The following SRL variants were observed in gnomAD, a reference collection of about 807,000 sequenced individuals.
SRL encodes sarcalumenin.
In SRL, 23 loss-of-function variants were observed where a neutral mutation model predicts 39.5. The observed-to-expected ratio is 0.58, with a 90% confidence interval of 0.42 to 0.82. The LOEUF is 0.82. SRL is among the 40% of genes least tolerant of loss of function. The pLI is 0.00. For missense variants in SRL, 592 were observed against 607.8 expected (o/e 0.97, Z 0.27); for synonymous variants, 272 against 237.4 (o/e 1.15, Z -1.34).
chr16:4,220,892 A>T (rs1430795806), intron 1 of SRL, among the ~76,000 whole-genome samples: 1 of 151,970 alleles, frequency 6.6e-6, no homozygotes, highest in Non-Finnish European at 1.5e-5. Context: ...AGACTGAGGC[A>T]GGTGGATCGC....
intron 1 of SRL, among the ~76,000 whole-genome samples, chr16:4,241,259 G>A (rs1201453471): frequency 6.6e-6 from 1 of 152,082 alleles, no homozygotes; most frequent in Non-Finnish European, 1.5e-5. Flanking sequence ...AAAACAATCT[G>A]GCATCTCCTC....
intron 1 of SRL, among the ~76,000 whole-genome samples, chr16:4,216,347 C>G (rs1164990455): frequency 6.6e-6 from 1 of 152,124 alleles, no homozygotes; most frequent in Non-Finnish European, 1.5e-5. Flanking sequence ...TCTCAGCTCA[C>G]TGCAACCTCT....
intron 4 of SRL, among the ~76,000 whole-genome samples, chr16:4,196,400 C>T (rs2052142890): frequency 1.3e-5 from 2 of 151,892 alleles, no homozygotes; most frequent in African/African-American, 4.8e-5. Flanking sequence ...ATTAAACAGT[C>T]ATTCCCCATT....
chr16:4,205,718 G>A (rs1000610249), intron 1 of SRL, among the ~76,000 whole-genome samples: 10 of 152,122 alleles, frequency 6.6e-5, no homozygotes, highest in South Asian at 6.2e-4. Context: ...AGGGCTGACC[G>A]GGCAGGACCT....
intron 3 of SRL, among the ~76,000 whole-genome samples, chr16:4,202,430 A>G (rs986756894): frequency 5.3e-5 from 8 of 152,054 alleles, no homozygotes; most frequent in African/African-American, 1.9e-4. Flanking sequence ...CATCTCTACT[A>G]AAAATACAAA....
At position 4,192,034 on chromosome 16, in the gene SRL, A is replaced by G; in HGVS notation, c.*119T>C. ...GACCCCTGGCCTCAATGAACTCCCA[A>G]CTCTCCACTGTGTAATAATTCCTGC... On this transcript the variant is annotated 3_prime_UTR_variant, in exon 6 of 6. Coordinates refer to ENST00000399609, the MANE Select transcript of SRL (RefSeq NM_001098814.2). This position sits in a 1 kb window ranked among gnomAD's most constrained non-coding sequence, Gnocchi z 4.0. The G allele has an allele frequency of 3.4e-6, 4 of 1,179,170 alleles. No individual in the cohort carries two copies. Among genetic ancestry groups the G allele is most frequent in the Non-Finnish European group, 4.8e-6 (4 of 832,306 alleles). The allele number at this position is 1,179,170 out of a possible 1,614,324, so 73.0% of individuals were successfully genotyped here.
At chr16:4,198,407 A>G (rs895732071) in intron 3 of SRL, among the ~76,000 whole-genome samples, 2 of 152,018 alleles carry the variant, frequency 1.3e-5, no homozygotes, top group African/African-American at 4.8e-5. Flanking sequence ...CAAATTCCCA[A>G]TACAGCCTAA....
At chr16:4,213,856 G>A (rs2052424014) in intron 1 of SRL, among the ~76,000 whole-genome samples, 1 of 152,164 alleles carries the variant, frequency 6.6e-6, no homozygotes, top group Admixed American at 6.6e-5. Context: ...AAAAGCAAGG[G>A]TTGTTAACCT....
intron 1 of SRL, among the ~76,000 whole-genome samples, chr16:4,224,708 A>G (rs569896949): frequency 3.3e-5 from 5 of 152,114 alleles, no homozygotes; most frequent in African/African-American, 9.6e-5. Flanking sequence ...CAACAGAGCA[A>G]GACCCTATCT....
chr16:4,200,811 G>A (rs1386454811), intron 3 of SRL, among the ~76,000 whole-genome samples: 1 of 152,088 alleles, frequency 6.6e-6, no homozygotes, highest in Non-Finnish European at 1.5e-5. Flanking sequence ...CACGTCTCTG[G>A]GCCTCAGGCT....
chr16:4,218,253 A>G (rs2052483425), intron 1 of SRL, among the ~76,000 whole-genome samples: 1 of 151,976 alleles, frequency 6.6e-6, no homozygotes, highest in Non-Finnish European at 1.5e-5. Context: ...GCAAACGCGC[A>G]CTCAGGAAGT....
intron 1 of SRL, among the ~76,000 whole-genome samples, chr16:4,220,864 T>C (rs2052521257): frequency 6.6e-6 from 1 of 150,848 alleles, no homozygotes; most frequent in Non-Finnish European, 1.5e-5. Flanking sequence ...TATGCTCCTA[T>C]AGTCCCAGCT....
At chr16:4,210,914 A>G (rs1056037557) in intron 1 of SRL, among the ~76,000 whole-genome samples, 5 of 152,152 alleles carry the variant, frequency 3.3e-5, no homozygotes, top group Non-Finnish European at 5.9e-5. Flanking sequence ...AGCCTGTTAG[A>G]GACGCAGACT....
At chr16:4,219,812 A>G (rs1324655911) in intron 1 of SRL, among the ~76,000 whole-genome samples, 1 of 152,062 alleles carries the variant, frequency 6.6e-6, no homozygotes, top group East Asian at 1.9e-4. Context: ...CCCTGCATTC[A>G]GCATTAAGTC....
chr16:4,203,408 G>A, intron 2 of SRL, 147 bp from the exon 3 acceptor site: 1 of 630,984 alleles, frequency 1.6e-6, no homozygotes, highest in African/African-American at 1.8e-5. Context: ...ACTGTGCAAT[G>A]TATTTGCATA....
chr16:4,213,259 C>T (rs1001456271), intron 1 of SRL, among the ~76,000 whole-genome samples: 3 of 152,084 alleles, frequency 2.0e-5, no homozygotes, highest in African/African-American at 7.2e-5. Flanking sequence ...AGAAAGACTG[C>T]AGGGAGATTG....
intron 1 of SRL, among the ~76,000 whole-genome samples, chr16:4,209,874 G>A (rs569491367): frequency 3.9e-5 from 6 of 152,240 alleles, no homozygotes; most frequent in African/African-American, 1.4e-4. Flanking sequence ...GTAGTTAATG[G>A]GTGACCGGAA....
intron 2 of SRL, 118 bp downstream of exon 2, chr16:4,204,415 C>T (rs941712832): frequency 3.3e-6 from 3 of 910,936 alleles, no homozygotes; most frequent in Non-Finnish European, 3.5e-6. Context: ...ATAGATACAG[C>T]CCCGGCCTCC....
At chr16:4,206,077 G>T (rs2052314877) in intron 1 of SRL, among the ~76,000 whole-genome samples, 1 of 152,194 alleles carries the variant, frequency 6.6e-6, no homozygotes, top group African/African-American at 2.4e-5. Flanking sequence ...CTAAGCAGAT[G>T]CAGCCATGAA....
Sources: gnomAD v4.1 joint callset for allele counts (sites outside exome capture counted in the v4.1 genomes callset) on GRCh38, gnomAD v4.1.1 for gene constraint, Gnocchi (gnomAD v3.1) non-coding constraint, MANE v1.5 for transcripts, NCBI Gene and HGNC (gene_info 2026-07-23, HGNC 2026-07-21) for gene names.